Variants in MTF2 observed in about 807,000 individuals in gnomAD.
MTF2 encodes metal response element binding transcription factor 2.
Under a neutral mutation model 79.5 loss-of-function variants are expected in MTF2, and 11 were observed. That is an observed-to-expected ratio of 0.14 (90% CI 0.09 to 0.23). The LOEUF (loss-of-function observed/expected upper bound fraction) is 0.23, where lower values mean the gene tolerates loss of function less well. Ranked by LOEUF, MTF2 falls within the 10% of genes least tolerant of loss-of-function variation. MTF2 has a pLI of 1.00. For synonymous variants in MTF2, 208 were observed against 232.8 expected (o/e 0.89, Z 0.97); for missense variants, 486 against 711.2 (o/e 0.68, Z 3.60).
chr1:93,120,954 G>T, intron 9 of MTF2: 1 of 1,104,644 alleles, frequency 9.1e-7, no homozygotes, highest in Non-Finnish European at 1.1e-6. Context: ...AAGATAGAAG[G>T]GAGGGAGAAA....
intron 9 of MTF2, among the ~76,000 whole-genome samples, chr1:93,126,276 T>C (rs1656694391): frequency 6.6e-6 from 1 of 152,044 alleles, no homozygotes; most frequent in Non-Finnish European, 1.5e-5. Flanking sequence ...ACAGGTGAAT[T>C]TGAGCAGTTT....
chr1:93,115,392 C>CA (rs1656210100), intron 5 of MTF2, 78 bp from the exon 6 acceptor site: 3 of 1,152,282 alleles, frequency 2.6e-6, no homozygotes, highest in Non-Finnish European at 3.6e-6. Context: ...CCAGAAGTGT[C>CA]AGAGTCGTTT....
At chr1:93,106,404 G>A (rs1655790270) in intron 1 of MTF2, among the ~76,000 whole-genome samples, 2 of 150,122 alleles carry the variant, frequency 1.3e-5, no homozygotes, top group Admixed American at 6.6e-5. Context: ...GACCTGCCAT[G>A]GCATTCTACT....
intron 9 of MTF2, among the ~76,000 whole-genome samples, chr1:93,122,136 C>T (rs1014215452): frequency 2.6e-5 from 4 of 152,122 alleles, no homozygotes; most frequent in Non-Finnish European, 5.9e-5. Flanking sequence ...GATTAGTAAT[C>T]AGAAAGTAAG....
chr1:93,093,423 T>C (rs1170928817), intron 1 of MTF2, among the ~76,000 whole-genome samples: 1 of 152,192 alleles, frequency 6.6e-6, no homozygotes, highest in Non-Finnish European at 1.5e-5. Flanking sequence ...CTTAGAGATA[T>C]CCTCCTGGAG....
intron 1 of MTF2, among the ~76,000 whole-genome samples, chr1:93,089,705 G>A (rs1329866367): frequency 1.3e-5 from 2 of 151,974 alleles, no homozygotes; most frequent in Admixed American, 6.6e-5. Context: ...TGCTCTCACC[G>A]CTATGCCTGG....
chr1:93,120,327 A>G (rs1473856040), intron 8 of MTF2: 1 of 273,036 alleles, frequency 3.7e-6, no homozygotes, highest in Non-Finnish European at 6.7e-6. Context: ...AAAAAGAAGT[A>G]ATTCATATAT....
chr1:93,129,558 A>G (rs569111511), intron 11 of MTF2, 110 bp downstream of exon 11: 3 of 414,952 alleles, frequency 7.2e-6, no homozygotes, highest in Admixed American at 5.3e-5. Context: ...AGTTACTCTG[A>G]TTTTTTTTTT....
chr1:93,109,289 A>G (rs78721833), intron 1 of MTF2, among the ~76,000 whole-genome samples: 3,156 of 151,872 alleles, frequency 0.021, 105 homozygotes, highest in African/African-American at 0.072. Flanking sequence ...TATTTAATAT[A>G]TATTTTTTTC....
chr1:93,130,508 C>T (rs1374807896), intron 11 of MTF2, among the ~76,000 whole-genome samples: 3 of 151,768 alleles, frequency 2.0e-5, no homozygotes, highest in East Asian at 1.9e-4. Flanking sequence ...ATCCAGGAGG[C>T]GGAGGTTGCA....
At chr1:93,106,699 A>T (rs1003179422) in intron 1 of MTF2, among the ~76,000 whole-genome samples, 2 of 152,098 alleles carry the variant, frequency 1.3e-5, no homozygotes, top group Non-Finnish European at 2.9e-5. Flanking sequence ...TTGTATTTTT[A>T]GTAGAGACGG....
chr1:93,120,472 G>C, intron 8 of MTF2, 77 bp from the exon 9 acceptor site: 1 of 1,361,052 alleles, frequency 7.3e-7, no homozygotes, highest in Non-Finnish European at 9.9e-7. Flanking sequence ...TTTAATTACT[G>C]TTTTATAAGG....
chr1:93,098,157 G>T (rs1655374683), intron 1 of MTF2, among the ~76,000 whole-genome samples: 1 of 152,112 alleles, frequency 6.6e-6, no homozygotes, highest in Non-Finnish European at 1.5e-5. Flanking sequence ...AAAAGTGTGT[G>T]TTGTCTCATG....
At chr1:93,124,561 C>A (rs1239858232) in intron 9 of MTF2, among the ~76,000 whole-genome samples, 1 of 151,766 alleles carries the variant, frequency 6.6e-6, no homozygotes, top group Non-Finnish European at 1.5e-5. Context: ...AGATGAAACT[C>A]AAGAAATACT....
intron 14 of MTF2, among the ~76,000 whole-genome samples, chr1:93,135,115 C>T (rs900567237): frequency 6.6e-6 from 1 of 152,072 alleles, no homozygotes; most frequent in African/African-American, 2.4e-5. Context: ...GATTTACAGG[C>T]GTGCGCCACC....
At chr1:93,115,152 A>C in intron 5 of MTF2, 64 bp downstream of exon 5, 2 of 1,215,418 alleles carry the variant, frequency 1.6e-6, no homozygotes, top group Non-Finnish European at 2.4e-6. Context: ...CAACATAATG[A>C]TTGTGTACAC....
intron 1 of MTF2, among the ~76,000 whole-genome samples, chr1:93,081,624 T>C (rs975208277): frequency 6.6e-6 from 1 of 152,184 alleles, no homozygotes; most frequent in African/African-American, 2.4e-5. Flanking sequence ...CATCCTAAAT[T>C]GGAATGTAAA....
intron 1 of MTF2, among the ~76,000 whole-genome samples, chr1:93,101,464 C>T (rs1399718198): frequency 1.4e-5 from 2 of 144,310 alleles, no homozygotes; most frequent in African/African-American, 5.1e-5. Flanking sequence ...ACTGCAGTCT[C>T]GAACTCCTGA....
intron 9 of MTF2, among the ~76,000 whole-genome samples, chr1:93,124,873 G>A (rs1054039000): frequency 2.0e-5 from 3 of 151,880 alleles, no homozygotes; most frequent in Non-Finnish European, 2.9e-5. Flanking sequence ...AAACCTCATG[G>A]TCAGATGGAA....
Sources: gnomAD v4.1 joint callset for allele counts (sites outside exome capture counted in the v4.1 genomes callset) on GRCh38, gnomAD v4.1.1 for gene constraint, MANE v1.5 for transcripts, NCBI Gene and HGNC (gene_info 2026-07-23, HGNC 2026-07-21) for gene names.